Variants in ARHGEF37 observed in about 807,000 individuals in gnomAD.
ARHGEF37 encodes Rho guanine nucleotide exchange factor (GEF) 37.
In ARHGEF37, 55 loss-of-function variants were observed where a neutral mutation model predicts 71.1. The observed-to-expected ratio is 0.77, with a 90% CI of 0.62 to 0.97. The LOEUF (loss-of-function observed/expected upper bound fraction) is 0.97, where lower values mean the gene tolerates loss of function less well. Ranked by LOEUF, ARHGEF37 falls within the 50% of genes least tolerant of loss-of-function variation. The pLI is 0.00. For missense variants in ARHGEF37, 765 were observed against 836.8 expected, an observed-to-expected ratio of 0.91 and a Z score of 1.06; for synonymous variants, 327 against 350.6, an observed-to-expected ratio of 0.93 and a Z score of 0.75.
chr5:149,612,292 C>A (rs12515778), intron 4 of ARHGEF37, among the ~76,000 whole-genome samples: 1 of 151,998 alleles, frequency 6.6e-6, no homozygotes, highest in Non-Finnish European at 1.5e-5. Context: ...CTCAGCCTCC[C>A]GAGTAGCTGG....
chr5:149,586,839 A>C (rs1036948549), intron 1 of ARHGEF37, among the ~76,000 whole-genome samples: 4 of 152,080 alleles, frequency 2.6e-5, no homozygotes, highest in African/African-American at 9.7e-5. Context: ...CTCTTATTCC[A>C]TACATGTAAG....
intron 11 of ARHGEF37, among the ~76,000 whole-genome samples, chr5:149,628,002 A>G (rs936814272): frequency 6.6e-6 from 1 of 152,254 alleles, no homozygotes; most frequent in African/African-American, 2.4e-5. Context: ...ATTATTGTAT[A>G]TAGTACAAGA....
intron 3 of ARHGEF37, among the ~76,000 whole-genome samples, chr5:149,606,387 C>A (rs1334969637): frequency 6.6e-6 from 1 of 152,114 alleles, no homozygotes; most frequent in Admixed American, 6.6e-5. Flanking sequence ...ACTGCGATCT[C>A]CCCATGGGGA....
At chr5:149,587,007 C>T (rs948962254) in intron 1 of ARHGEF37, among the ~76,000 whole-genome samples, 1 of 152,238 alleles carries the variant, frequency 6.6e-6, no homozygotes, top group Non-Finnish European at 1.5e-5. Context: ...CAGATGATCT[C>T]TGTTTCCCTT....
At chr5:149,608,663 C>T (rs536067269) in intron 3 of ARHGEF37, among the ~76,000 whole-genome samples, 2 of 152,142 alleles carry the variant, frequency 1.3e-5, no homozygotes, top group East Asian at 3.9e-4. Context: ...ACCCACCACA[C>T]CCGGCAGTAA....
intron 3 of ARHGEF37, among the ~76,000 whole-genome samples, chr5:149,608,167 A>G (rs900542049): frequency 7.9e-5 from 12 of 151,930 alleles, no homozygotes; most frequent in African/African-American, 2.9e-4. Context: ...CAGTTAAGCT[A>G]TTTTCACTTC....
chr5:149,561,964 A>G (rs891873634), intron 1 of ARHGEF37, among the ~76,000 whole-genome samples: 1 of 152,086 alleles, frequency 6.6e-6, no homozygotes, highest in African/African-American at 2.4e-5. Flanking sequence ...ACTCATTATT[A>G]CTCACTATAG....
Position 149,557,522 on chromosome 5 carries a change from C to T in ARHGEF37, c.-12+5399C>T, listed in dbSNP as rs111648294. Among the ~76,000 whole-genome samples, 123 of 152,200 alleles carry T rather than the reference C, an allele frequency of 8.1e-4. 2 individuals are homozygous for T. Among genetic ancestry groups the T allele is most frequent in the African/African-American group, 2.7e-3 (114 of 41,520 alleles). ...TGGGACAGGGTCTCCTTCTGTTGCC[C>T]ATGCTGGAGTGCAGTAGTGTGATCA... is the stretch of plus-strand genomic sequence containing the variant. On this transcript the variant is annotated intron_variant, in intron 1 of 2. Coordinates refer to the ARHGEF37 transcript ENST00000505810.
chr5:149,628,451 C>A (rs1396663531), intron 11 of ARHGEF37, among the ~76,000 whole-genome samples: 1 of 152,172 alleles, frequency 6.6e-6, no homozygotes, highest in Non-Finnish European at 1.5e-5. Flanking sequence ...GAAAGGCAGT[C>A]CTGGGGAGAG....
At position 149,632,033 on chromosome 5, in the gene ARHGEF37, C is replaced by T. The variant is rs1580944657; in HGVS notation, c.1870C>T (p.Gln624Ter). 1 of 1,614,228 alleles carries T rather than the reference C, an allele frequency of 6.2e-7. No individual in the cohort carries two copies. Among genetic ancestry groups the T allele is most frequent in the Non-Finnish European group, 8.5e-7 (1 of 1,180,034 alleles). The change falls in exon 13 of 13, where the codon CAG becomes TAG. Residue 624 changes from glutamine (Q) to a stop codon, truncating the protein, a stop_gained. Coordinates refer to ENST00000333677, the MANE Select transcript of ARHGEF37 (RefSeq NM_001001669.3). LOFTEE classifies it high-confidence loss of function. Reference protein sequence around the residue: ...VARSSHEVSLQAGQPVTILEA... With the variant: ...VARSSHEVSL ...CAGAAGCAGCCATGAAGTGAGCCTGCAGGCAGGCCAGCCTGTGACCATCCT... is the reference window on the plus strand; with the variant it reads ...CAGAAGCAGCCATGAAGTGAGCCTGTAGGCAGGCCAGCCTGTGACCATCCT...
At chr5:149,594,405 TG>T (rs931887331) in intron 1 of ARHGEF37, among the ~76,000 whole-genome samples, 1 of 152,206 alleles carries the variant, frequency 6.6e-6, no homozygotes, top group Non-Finnish European at 1.5e-5. Context: ...GGGGTGTGTT[TG>T]GGAGCCAGAA....
intron 1 of ARHGEF37, among the ~76,000 whole-genome samples, chr5:149,558,693 G>C (rs7727614): frequency 1.5e-5 from 1 of 66,090 alleles, no homozygotes; most frequent in South Asian, 7.0e-4. Flanking sequence ...ATATATATAT[G>C]TGTGTGTGTG....
upstream of ARHGEF37, among the ~76,000 whole-genome samples, chr5:149,579,382 C>G (rs1763063712): frequency 6.6e-6 from 1 of 152,116 alleles, no homozygotes; most frequent in Non-Finnish European, 1.5e-5. Flanking sequence ...AGCCACTTAG[C>G]CACTCTAAGA....
In ARHGEF37 at chr5:149,584,940, A is replaced by G. The variant is rs557022632; in HGVS notation, c.-12+3316A>G. Among the ~76,000 whole-genome samples the G allele has an allele frequency of 1.1e-4, 16 of 152,254 alleles. 1 individual carries two copies. The East Asian group carries it at 1.2e-3, about 11-fold the overall frequency. On this transcript the variant is annotated intron_variant, in intron 1 of 12. Coordinates refer to ENST00000333677, the MANE Select transcript of ARHGEF37 (RefSeq NM_001001669.3). ...CCCGGCCTTCTTTATATGTTTCTAT[A>G]TTGTTTATTTAGTTATATAATGAGC... is the stretch of plus-strand genomic sequence containing the variant.
chr5:149,591,334 C>T (rs956099725), intron 1 of ARHGEF37, among the ~76,000 whole-genome samples: 1 of 152,170 alleles, frequency 6.6e-6, no homozygotes, highest in African/African-American at 2.4e-5. Context: ...CCACCCACCT[C>T]GGCCTCCCAA....
Position 149,591,238 on chromosome 5 carries a change from A to G in ARHGEF37, c.-11-6521A>G, listed in dbSNP as rs965711816. Among the ~76,000 whole-genome samples the G allele has an allele frequency of 1.6e-4, 25 of 152,178 alleles. No homozygotes were observed. The East Asian group carries it at 4.7e-3, about 28-fold the overall frequency. On this transcript the variant is annotated intron_variant, in intron 1 of 12. Coordinates refer to ENST00000333677, the MANE Select transcript of ARHGEF37 (RefSeq NM_001001669.3). The stretch of plus-strand genomic sequence containing the variant: ...TTGTGTTCCATCTCAAAAAAAAAAA[A>G]AAAGTTGAATGTTCCAGAGTTAATA...
intron 1 of ARHGEF37, among the ~76,000 whole-genome samples, chr5:149,567,226 G>A (rs1479119967): frequency 1.3e-5 from 2 of 152,020 alleles, no homozygotes; most frequent in Admixed American, 6.6e-5. Flanking sequence ...TTGTTTGTAC[G>A]TGATGAGATT....
chr5:149,628,773 G>T (rs757072286), intron 11 of ARHGEF37, 36 bp from the exon 12 acceptor site: 10 of 1,586,456 alleles, frequency 6.3e-6, no homozygotes, highest in East Asian at 2.3e-5. Flanking sequence ...ACGGGAAGGT[G>T]GCCCGCAGCC....
intron 10 of ARHGEF37, among the ~76,000 whole-genome samples, chr5:149,626,637 A>G (rs946587650): frequency 3.9e-5 from 6 of 152,202 alleles, no homozygotes; most frequent in Non-Finnish European, 7.3e-5. Flanking sequence ...GTTCCTGCAT[A>G]TGTGAAATCC....
Sources: allele counts gnomAD v4.1 joint callset (sites outside exome capture counted in the v4.1 genomes callset), GRCh38; gene constraint gnomAD v4.1.1; transcripts MANE v1.5; gene names NCBI Gene and HGNC (gene_info 2026-07-23, HGNC 2026-07-21).